CALML5: variants seen among roughly 807,000 people sequenced by gnomAD.
The protein encoded by CALML5 is calmodulin like 5.
For synonymous variants in CALML5, 101 were observed against 96.8 expected (o/e 1.04, Z -0.25); for missense variants, 207 against 206.6 (o/e 1.00, Z -0.01).
chr10:5,498,979 G>C lies in CALML5; in HGVS notation c.*19C>G, dbSNP rs57631224. The C allele has an allele frequency of 8.2e-3, 12,469 of 1,517,370 alleles. 381 individuals carry two copies. The East Asian group carries it at 0.09, about 11-fold the overall frequency. The allele number at this position is 1,517,370 out of a possible 1,614,324, so 94.0% of individuals were successfully genotyped here. On this transcript the variant is annotated 3_prime_UTR_variant, in exon 1 of 1. Transcript: ENST00000380332. ...CCTGAAGGCTCAGAGCGCAGCCAGG[G>C]GGACACAGGCGGGGAGCCTCACTCC...
chr10:5,499,142 G>C lies in CALML5; in HGVS notation c.297C>G (p.Thr99=), dbSNP rs745672151. The change falls in exon 1 of 1, where the codon ACC becomes ACG. Residue 99 remains threonine (T), a synonymous_variant. Coordinates refer to ENST00000380332, the MANE Select transcript of CALML5 (RefSeq NM_017422.5). ...AFDQDGDGHI[T]VDELRRAMAG... is the part of the protein sequence containing the mutation. Reference sequence around the variant, plus strand: ...CCATGGCCCGCCTGAGCTCGTCCACGGTGATGTGGCCGTCGCCATCCTGGT... The same window carrying C: ...CCATGGCCCGCCTGAGCTCGTCCACCGTGATGTGGCCGTCGCCATCCTGGT... 1 of 1,604,972 alleles carries C rather than the reference G, an allele frequency of 6.2e-7. No homozygotes were observed. The highest frequency in any genetic ancestry group is 1.1e-5 in the South Asian group (1 of 91,018).
At position 5,498,790 on chromosome 10, in the gene CALML5, C is replaced by A; in HGVS notation, c.*208G>T. The stretch of plus-strand genomic sequence containing the variant: ...GGGGGACCAGGCCCAAGGAGGCCTC[C>A]TTCTGCCCAAGGTCTGGAGGCAGAG... On this transcript the variant is annotated 3_prime_UTR_variant, in exon 1 of 1. Coordinates refer to ENST00000380332, the MANE Select transcript of CALML5 (RefSeq NM_017422.5). 1 of 586,128 alleles carries A rather than the reference C, an allele frequency of 1.7e-6. No individual in the cohort carries two copies. The highest frequency in any genetic ancestry group is 3.0e-6 in the Non-Finnish European group (1 of 333,488). The allele number at this position is 586,128 out of a possible 1,614,324, so 36.3% of individuals were successfully genotyped here. A position where few individuals can be genotyped will look rare whatever the true frequency, so the allele number is the denominator to read the frequency against.
chr10:5,498,856 C>T lies in CALML5; in HGVS notation c.*142G>A, dbSNP rs1216768056. The T allele has an allele frequency of 2.2e-5, 17 of 756,922 alleles. No homozygotes were observed. In the South Asian group the frequency reaches 2.4e-4, roughly 11 times the overall value. The allele number at this position is 756,922 out of a possible 1,614,324, so 46.9% of individuals were successfully genotyped here. On this transcript the variant is annotated 3_prime_UTR_variant, in exon 1 of 1. Transcript: ENST00000380332. Reference sequence around the variant, plus strand: ...GCCCGAGGGCGCCGCATCCAGGCCCCGGAGCGCAAAGCCTTCCTCCCAGGG... The same window carrying T: ...GCCCGAGGGCGCCGCATCCAGGCCCTGGAGCGCAAAGCCTTCCTCCCAGGG...
At position 5,499,038 on chromosome 10, in the gene CALML5, A is replaced by ACCCG; in HGVS notation, c.397_400dup (p.Val134AlafsTer27). The ACCCG allele has an allele frequency of 6.3e-7, 1 of 1,590,010 alleles. No homozygotes were observed. Among genetic ancestry groups the ACCCG allele is most frequent in the Non-Finnish European group, 8.5e-7 (1 of 1,173,016 alleles). Reference sequence around the variant, plus strand: ...CATCCTCGCGAACTCCTCGTAGTTCACCCGCCCGTCCTGGTCCACGTCGGC... The same window carrying ACCCG: ...CATCCTCGCGAACTCCTCGTAGTTCACCCGCCCGCCCGTCCTGGTCCACGTCGGC... On this transcript the variant is annotated frameshift_variant, in exon 1 of 1. Coordinates refer to ENST00000380332, the MANE Select transcript of CALML5 (RefSeq NM_017422.5). LOFTEE classifies it high-confidence loss of function.
Position 5,498,875 on chromosome 10 carries a change from C to T in CALML5, c.*123G>A, listed in dbSNP as rs1833269807. 4.5e-6 allele frequency: 4 copies of T among 896,406 alleles called. No individual in the cohort carries two copies. In the East Asian group the frequency reaches 1.1e-4, roughly 24 times the overall value. The allele number at this position is 896,406 out of a possible 1,614,324, so 55.5% of individuals were successfully genotyped here. ...AGGCCCCGGAGCGCAAAGCCTTCCT[C>T]CCAGGGGGAGGCAGTTTCCCATCCA... On this transcript the variant is annotated 3_prime_UTR_variant, in exon 1 of 1. Coordinates refer to ENST00000380332, the MANE Select transcript of CALML5 (RefSeq NM_017422.5).
At position 5,498,861 on chromosome 10, in the gene CALML5, C is replaced by A. The variant is rs1027528645; in HGVS notation, c.*137G>T. The stretch of plus-strand genomic sequence containing the variant: ...AGGGCGCCGCATCCAGGCCCCGGAG[C>A]GCAAAGCCTTCCTCCCAGGGGGAGG... On this transcript the variant is annotated 3_prime_UTR_variant, in exon 1 of 1. Transcript: ENST00000380332. 16 of 782,586 alleles carry A rather than the reference C, an allele frequency of 2.0e-5. No homozygotes were observed. The highest frequency in any genetic ancestry group is 3.0e-5 in the Non-Finnish European group (15 of 505,916). 48.5% of individuals were successfully genotyped at this position (782,586 alleles called of 1,614,324 possible). A position where few individuals can be genotyped will look rare whatever the true frequency, so the allele number is the denominator to read the frequency against.
At position 5,499,304 on chromosome 10, in the gene CALML5, C is replaced by T; in HGVS notation, c.135G>A (p.Ser45=). ...AGATGAGTTTCCTTAGCTGGGCCTC[C>T]GAGAGGTTCTTGCCCGTGGCCTTCA... ...AALKATGKNL[S]EAQLRKLISE... Residue 45 remains serine, a synonymous_variant, in exon 1 of 1, where the codon TCG becomes TCA. Transcript: ENST00000380332. 2 of 1,614,016 alleles carry T rather than the reference C, an allele frequency of 1.2e-6. No individual in the cohort carries two copies. Among genetic ancestry groups the T allele is most frequent in the South Asian group, 2.2e-5 (2 of 91,074 alleles).
chr10:5,498,820 G>A lies in CALML5; in HGVS notation c.*178C>T. Reference sequence around the variant, plus strand: ...GCCCAAGGTCTGGAGGCAGAGAGGGGCTCGCAGGCGGCCCGAGGGCGCCGC... The same window carrying A: ...GCCCAAGGTCTGGAGGCAGAGAGGGACTCGCAGGCGGCCCGAGGGCGCCGC... On this transcript the variant is annotated 3_prime_UTR_variant, in exon 1 of 1. Transcript: ENST00000380332. 3.3e-6 allele frequency: 2 copies of A among 610,032 alleles called. No homozygotes were observed. The highest frequency in any genetic ancestry group is 2.8e-6 in the Non-Finnish European group (1 of 351,444). 37.8% of individuals were successfully genotyped at this position (610,032 alleles called of 1,614,324 possible). A position where few individuals can be genotyped will look rare whatever the true frequency, so the allele number is the denominator to read the frequency against.
Position 5,499,342 on chromosome 10 carries a change from G to C in CALML5, c.97C>G (p.Leu33Val). The change falls in exon 1 of 1, where the codon CTG becomes GTG. Residue 33 changes from leucine (L) to valine (V), a missense_variant. Transcript: ENST00000380332. ...CCCGTGGCCTTCAGCGCCGCGCCCA[G>C]CTCCTGGGCATTGATGGTGCCGTTT... ...DGNGTINAQE[L>V]GAALKATGKN... is the part of the protein sequence containing the mutation. 1 of 1,614,128 alleles carries C rather than the reference G, an allele frequency of 6.2e-7. No homozygotes were observed. The highest frequency in any genetic ancestry group is 8.5e-7 in the Non-Finnish European group (1 of 1,179,962).
Position 5,499,174 on chromosome 10 carries a change from C to T in CALML5, c.265G>A (p.Ala89Thr), listed in dbSNP as rs768112457. 4.3e-6 allele frequency: 7 copies of T among 1,609,492 alleles called. No homozygotes were observed. In the East Asian group the frequency reaches 1.3e-4, roughly 31 times the overall value. Residue 89 changes from alanine (A) to threonine (T), a missense_variant, in exon 1 of 1, where the codon GCC becomes ACC. Physicochemically the swap from Ala to Thr is moderately conservative, Grantham distance 58. Transcript: ENST00000380332. ...TGGCCGTCGCCATCCTGGTCGAAGG[C>T]GCGGAAGGCGACCTGCAGGTCCTCC... ...GLEDLQVAFR[A>T]FDQDGDGHIT...
rs1833269612 is a variant in CALML5, at chr10:5,498,845, C to G, written c.*153G>C. The G allele has an allele frequency of 1.3e-5, 9 of 703,916 alleles. No individual in the cohort carries two copies. The South Asian group carries it at 1.7e-4, about 14-fold the overall frequency. 43.6% of individuals were successfully genotyped at this position (703,916 alleles called of 1,614,324 possible). On this transcript the variant is annotated 3_prime_UTR_variant, in exon 1 of 1. Coordinates refer to ENST00000380332, the MANE Select transcript of CALML5 (RefSeq NM_017422.5). ...GCTCGCAGGCGGCCCGAGGGCGCCG[C>G]ATCCAGGCCCCGGAGCGCAAAGCCT...
rs188885816 is a variant in CALML5, at chr10:5,498,768, G to A, written c.*230C>T. On this transcript the variant is annotated 3_prime_UTR_variant, in exon 1 of 1. Coordinates refer to ENST00000380332, the MANE Select transcript of CALML5 (RefSeq NM_017422.5). ...CCTCATTCCACTGCAGGGCAAAGGGGGACCAGGCCCAAGGAGGCCTCCTTC... is the reference window on the plus strand; with the variant it reads ...CCTCATTCCACTGCAGGGCAAAGGGAGACCAGGCCCAAGGAGGCCTCCTTC... 8 of 573,114 alleles carry A rather than the reference G, an allele frequency of 1.4e-5. No individual in the cohort carries two copies. The East Asian group carries it at 2.1e-4, about 15-fold the overall frequency. 35.5% of individuals were successfully genotyped at this position (573,114 alleles called of 1,614,324 possible).
In CALML5 at chr10:5,499,501, C is replaced by G; in HGVS notation, c.-63G>C. 1 of 1,429,416 alleles carries G rather than the reference C, an allele frequency of 7.0e-7. No individual in the cohort carries two copies. Among genetic ancestry groups the G allele is most frequent in the Non-Finnish European group, 9.7e-7 (1 of 1,035,100 alleles). 88.5% of individuals were successfully genotyped at this position (1,429,416 alleles called of 1,614,324 possible). A position where few individuals can be genotyped will look rare whatever the true frequency, so the allele number is the denominator to read the frequency against. ...CTGCCCACCGGCCCTCAACCTGCTG[C>G]TCTCAGAGCTCGTGGTCCAGAGTGC... is the stretch of plus-strand genomic sequence containing the variant. On this transcript the variant is annotated 5_prime_UTR_variant, in exon 1 of 1. Coordinates refer to ENST00000380332, the MANE Select transcript of CALML5 (RefSeq NM_017422.5).
In CALML5 at chr10:5,498,940, CA is replaced by C; in HGVS notation, c.*57del. On this transcript the variant is annotated 3_prime_UTR_variant, in exon 1 of 1. Coordinates refer to ENST00000380332, the MANE Select transcript of CALML5 (RefSeq NM_017422.5). The stretch of plus-strand genomic sequence containing the variant: ...CCGGAGAGTCCCAGCACAAAAGCAG[CA>C]GCGGGCGGTGGCCCTGAAGGCTCAG... 1 of 1,334,032 alleles carries C rather than the reference CA, an allele frequency of 7.5e-7. No individual in the cohort carries two copies. The highest frequency in any genetic ancestry group is 1.5e-5 in the South Asian group (1 of 67,914). 82.6% of individuals were successfully genotyped at this position (1,334,032 alleles called of 1,614,324 possible).
In CALML5 at chr10:5,499,173, G is replaced by A; in HGVS notation, c.266C>T (p.Ala89Val). 6.2e-7 allele frequency: 1 copy of A among 1,609,368 alleles called. No homozygotes were observed. Among genetic ancestry groups the A allele is most frequent in the Non-Finnish European group, 8.5e-7 (1 of 1,179,858 alleles). Residue 89 changes from alanine (A) to valine (V), a missense_variant, in exon 1 of 1, where the codon GCC (alanine) becomes GTC (valine). Physicochemically the swap from Ala to Val is moderately conservative, Grantham distance 64 (BLOSUM62 0). Transcript: ENST00000380332. The stretch of plus-strand genomic sequence containing the variant: ...GTGGCCGTCGCCATCCTGGTCGAAG[G>A]CGCGGAAGGCGACCTGCAGGTCCTC... The part of the protein sequence containing the change: ...GLEDLQVAFR[A>V]FDQDGDGHIT...
Position 5,499,232 on chromosome 10 carries a change from G to A in CALML5, c.207C>T (p.Phe69=). The A allele has an allele frequency of 1.2e-6, 2 of 1,613,418 alleles. No homozygotes were observed. Among genetic ancestry groups the A allele is most frequent in the Non-Finnish European group, 1.7e-6 (2 of 1,179,822 alleles). Residue 69 remains phenylalanine (F), a synonymous_variant, in exon 1 of 1, where the codon TTC becomes TTT. Transcript: ENST00000380332. Reference sequence around the variant, plus strand: ...CCCTGGCCTTCTTCGCCGCCGTCAGGAACTCCTGGAAGCTGATTTCGCCGT... The same window carrying A: ...CCCTGGCCTTCTTCGCCGCCGTCAGAAACTCCTGGAAGCTGATTTCGCCGT... ...DGDGEISFQE[F]LTAAKKARAG... is the part of the protein sequence containing the mutation.
chr10:5,499,288 T>G lies in CALML5; in HGVS notation c.151A>C (p.Lys51Gln). 6.2e-7 allele frequency: 1 copy of G among 1,614,052 alleles called. No homozygotes were observed. The highest frequency in any genetic ancestry group is 8.5e-7 in the Non-Finnish European group (1 of 1,179,974). The part of the protein sequence containing the change: ...GKNLSEAQLR[K>Q]LISEVDSDGD... ...TCGCTGTCAACCTCGGAGATGAGTT[T>G]CCTTAGCTGGGCCTCCGAGAGGTTC... The change falls in exon 1 of 1, where the codon AAA becomes CAA. Residue 51 changes from lysine to glutamine, a missense_variant. Physicochemically the swap from Lys to Gln is moderately conservative, Grantham distance 53. Transcript: ENST00000380332.
At position 5,499,294 on chromosome 10, in the gene CALML5, G is replaced by A; in HGVS notation, c.145C>T (p.Leu49=). 1 of 1,614,032 alleles carries A rather than the reference G, an allele frequency of 6.2e-7. No homozygotes were observed. The highest frequency in any genetic ancestry group is 1.1e-5 in the South Asian group (1 of 91,066). ...TCAACCTCGGAGATGAGTTTCCTTA[G>A]CTGGGCCTCCGAGAGGTTCTTGCCC... is the stretch of plus-strand genomic sequence containing the variant. ...ATGKNLSEAQ[L]RKLISEVDSD... Residue 49 remains leucine (L), a synonymous_variant, in exon 1 of 1, where the codon CTA becomes TTA. Transcript: ENST00000380332.
rs368824145 is a variant in CALML5 at position 5,499,126 on chromosome 10, G to A, written c.313C>T (p.Arg105Trp). 5 of 1,602,458 alleles carry A rather than the reference G, an allele frequency of 3.1e-6. No homozygotes were observed. Among genetic ancestry groups the A allele is most frequent in the East Asian group, 2.2e-5 (1 of 44,806 alleles). ...GGCTGCCCCAGCCCCGCCATGGCCC[G>A]CCTGAGCTCGTCCACGGTGATGTGG... is the stretch of plus-strand genomic sequence containing the variant. Reference protein sequence around the residue: ...DGHITVDELRRAMAGLGQPLP... With the variant: ...DGHITVDELRWAMAGLGQPLP... The change falls in exon 1 of 1, where the codon CGG becomes TGG. Residue 105 changes from arginine (R) to tryptophan (W), a missense_variant. Coordinates refer to ENST00000380332, the MANE Select transcript of CALML5 (RefSeq NM_017422.5).
Sources: gnomAD v4.1 joint callset for allele counts on GRCh38, gnomAD v4.1.1 for gene constraint, MANE v1.5 for transcripts, NCBI Gene and HGNC (gene_info 2026-07-23, HGNC 2026-07-21) for gene names.